The following STYXL1 variants were observed in gnomAD, a reference collection of about 807,000 sequenced individuals.
STYXL1 encodes the protein serine/threonine/tyrosine interacting like 1, also known as serine/threonine/tyrosine-interacting-like protein 1.
In STYXL1, 32 loss-of-function variants were observed where a neutral mutation model predicts 36.4. That is an observed-to-expected ratio of 0.88 (90% CI 0.66 to 1.18). The LOEUF (loss-of-function observed/expected upper bound fraction) is 1.18, where lower values mean the gene tolerates loss of function less well. Among genes scored for constraint, STYXL1 ranks in the 50% most tolerant of loss-of-function variants. The pLI is 0.00. For synonymous variants in STYXL1, 133 were observed against 144.1 expected, an observed-to-expected ratio of 0.92 and a Z score of 0.55; for missense variants, 354 against 394.1, an observed-to-expected ratio of 0.90 and a Z score of 0.86.
intron 5 of STYXL1, among the ~76,000 whole-genome samples, chr7:76,009,326 C>T (rs1244587269): frequency 6.6e-6 from 1 of 151,564 alleles, no homozygotes; most frequent in African/African-American, 2.4e-5. Context: ...CCCCCGTCAC[C>T]CACGCCTAAA....
In STYXL1 at chr7:76,013,844, G is replaced by C; in HGVS notation, c.351C>G (p.Thr117=). ...TGTAGACGGGGTGGTGGGTGAGGCG[G>C]GTCAGGATCCTGCCATACTCAATGG... The part of the protein sequence containing the change: ...QAAIEYGRIL[T]RLTHHPVYIL... The change falls in exon 5 of 9, where the codon ACC becomes ACG. Residue 117 remains threonine (T), a synonymous_variant. Transcript: ENST00000359697. 1 of 1,613,908 alleles carries C rather than the reference G, an allele frequency of 6.2e-7. No individual in the cohort carries two copies. The highest frequency in any genetic ancestry group is 8.5e-7 in the Non-Finnish European group (1 of 1,179,924).
At chr7:76,026,192 C>CAA (rs1159067824) in intron 3 of STYXL1, among the ~76,000 whole-genome samples, 294 of 18,624 alleles carry the variant, frequency 0.016, 122 homozygotes, top group Non-Finnish European at 0.022. Context: ...ACTCTGTCTC[C>CAA]AAAAAAAAAA....
chr7:76,008,651 C>T (rs11762941), intron 5 of STYXL1, among the ~76,000 whole-genome samples: 40,912 of 152,064 alleles, frequency 0.27, 6,891 homozygotes, highest in Non-Finnish European at 0.38. Flanking sequence ...TGCCCCTAAC[C>T]CGGATGGACG....
chr7:76,036,780 CTCT>C (rs1294699443), intron 1 of STYXL1, among the ~76,000 whole-genome samples: 9 of 106,642 alleles, frequency 8.4e-5, no homozygotes, highest in East Asian at 2.4e-4. Context: ...CACAGTATAG[CTCT>C]TTTTTTTTTT....
Position 76,044,121 on chromosome 7 carries a change from C to T in STYXL1, c.-5+3541G>A, listed in dbSNP as rs115650515. The T allele has an allele frequency of 9.8e-3, 1,490 of 152,238 alleles. 29 individuals are homozygous for T. The highest frequency in any genetic ancestry group is 0.032 in the African/African-American group (1,332 of 41,532). The allele number at this position is 152,238 out of a possible 1,614,324, so 9.4% of individuals were successfully genotyped here. ...ACTGTTGTTAATTACCTTGGTATTT[C>T]CTTAGAGAGAGGCAGATAGGAGCTG... is the stretch of plus-strand genomic sequence containing the variant. On this transcript the variant is annotated intron_variant, in intron 1 of 8. Transcript: ENST00000359697.
Position 76,046,669 on chromosome 7 carries a change from CAG to C in STYXL1, c.-5+991_-5+992del, listed in dbSNP as rs1797142051. Among the ~76,000 whole-genome samples, 12 of 103,456 alleles carry C rather than the reference CAG, an allele frequency of 1.2e-4. No homozygotes were observed. In the East Asian group the frequency reaches 1.2e-3, roughly 10 times the overall value. 67.9% of individuals were successfully genotyped at this position (103,456 alleles called of 152,430 possible). On this transcript the variant is annotated intron_variant, in intron 1 of 8. Coordinates refer to ENST00000359697, the MANE Select transcript of STYXL1 (RefSeq NM_001317785.2). ...GCTTTTTTTTTTTTTTTTTTTGAGA[CAG>C]AGTCTTTCTCCGTCGCCCAAGCTGG...
At chr7:76,007,202 G>A (rs919746799) in intron 5 of STYXL1, among the ~76,000 whole-genome samples, 12 of 152,142 alleles carry the variant, frequency 7.9e-5, no homozygotes, top group African/African-American at 2.2e-4. Context: ...CGAGGCAGGC[G>A]CATCACCTGA....
Position 76,047,853 on chromosome 7 carries a change from C to T in STYXL1, c.-196G>A. The T allele has an allele frequency of 7.8e-7, 1 of 1,285,392 alleles. No individual in the cohort carries two copies. The highest frequency in any genetic ancestry group is 1.0e-6 in the Non-Finnish European group (1 of 992,264). 79.6% of individuals were successfully genotyped at this position (1,285,392 alleles called of 1,614,324 possible). A position where few individuals can be genotyped will look rare whatever the true frequency, so the allele number is the denominator to read the frequency against. On this transcript the variant is annotated 5_prime_UTR_variant, in exon 1 of 9. Transcript: ENST00000359697. ...TCTAAGGCGCTTCCAGCCTAAAGCCCGTCCTCTTCCACCTCTTGGGTGCAG... is the reference window on the plus strand; with the variant it reads ...TCTAAGGCGCTTCCAGCCTAAAGCCTGTCCTCTTCCACCTCTTGGGTGCAG...
chr7:76,002,924 G>A (rs750402928), intron 7 of STYXL1, among the ~76,000 whole-genome samples: 4 of 151,982 alleles, frequency 2.6e-5, no homozygotes, highest in Non-Finnish European at 2.9e-5. Flanking sequence ...ACCCCGTCTC[G>A]AAAAATAAAA....
At chr7:76,015,869 G>A (rs1793237468) in intron 4 of STYXL1, among the ~76,000 whole-genome samples, 1 of 152,148 alleles carries the variant, frequency 6.6e-6, no homozygotes, top group Non-Finnish European at 1.5e-5. Flanking sequence ...ACAACATAAA[G>A]CAACCAGAAA....
intron 4 of STYXL1, among the ~76,000 whole-genome samples, chr7:76,018,162 C>G (rs1358452681): frequency 6.6e-6 from 1 of 151,882 alleles, no homozygotes; most frequent in African/African-American, 2.4e-5. Context: ...CGACAGTGCC[C>G]GGCCTAATTT....
chr7:76,039,291 G>A (rs1796252201), intron 1 of STYXL1, among the ~76,000 whole-genome samples: 3 of 142,286 alleles, frequency 2.1e-5, no homozygotes, highest in Admixed American at 1.3e-4. Flanking sequence ...TTCCAGGCTG[G>A]TTTCGAACTC....
intron 3 of STYXL1, 83 bp from the exon 4 acceptor site, chr7:76,022,075 C>A: frequency 1.3e-6 from 2 of 1,548,148 alleles, no homozygotes; most frequent in South Asian, 1.2e-5. Context: ...CATAGCAGCA[C>A]TGGGAGGAGC....
At chr7:76,004,817 C>T (rs1053241113) in intron 6 of STYXL1, among the ~76,000 whole-genome samples, 8 of 151,848 alleles carry the variant, frequency 5.3e-5, no homozygotes, top group East Asian at 3.9e-4. Flanking sequence ...CTGGCTAACA[C>T]GGTGAAACCC....
In STYXL1 at chr7:76,028,653, G is replaced by A. The variant is rs200576891; in HGVS notation, c.154C>T (p.Arg52Ter). 9.9e-6 allele frequency: 16 copies of A among 1,614,044 alleles called. No individual in the cohort carries two copies. Among genetic ancestry groups the A allele is most frequent in the Admixed American group, 5.0e-5 (3 of 60,006 alleles). The change falls in exon 3 of 9, where the codon CGA (arginine) becomes TGA (stop). Residue 52 changes from arginine to a stop codon, truncating the protein, a stop_gained. Transcript: ENST00000359697. LOFTEE classifies it high-confidence loss of function. ...YDESHVITAL[R>*]VKKKNNEYLL... The stretch of plus-strand genomic sequence containing the variant: ...CGCTGCCCATGTACCTTCTTCACTC[G>A]AAGGGCAGTGATCACATGGCTTTCG...
intron 5 of STYXL1, among the ~76,000 whole-genome samples, chr7:76,012,919 C>T (rs908328386): frequency 6.6e-6 from 1 of 152,178 alleles, no homozygotes; most frequent in Admixed American, 6.6e-5. Flanking sequence ...GAGGTGGTCT[C>T]GAGCCGCCAT....
chr7:76,045,789 T>C (rs1277722528), intron 1 of STYXL1: 1 of 152,178 alleles, frequency 6.6e-6, no homozygotes, highest in Non-Finnish European at 1.5e-5. Context: ...CAATCTAGTT[T>C]TTCCCAACCT....
chr7:76,030,463 T>C lies in STYXL1; in HGVS notation c.61A>G (p.Lys21Glu). The C allele has an allele frequency of 1.2e-6, 2 of 1,614,060 alleles. No individual in the cohort carries two copies. Among genetic ancestry groups the C allele is most frequent in the Non-Finnish European group, 1.7e-6 (2 of 1,179,918 alleles). The change falls in exon 2 of 9, where the codon AAA becomes GAA. Residue 21 changes from lysine to glutamate, a missense_variant. Transcript: ENST00000359697. ...ELYNILNQAT[K>E]LSRLTDPNYL... is the part of the protein sequence containing the mutation. ...TTGGGGTCTGTTAATCTGGAGAGTTTTGTGGCCTGATTCAGGATGTTGTAA... is the reference window on the plus strand; with the variant it reads ...TTGGGGTCTGTTAATCTGGAGAGTTCTGTGGCCTGATTCAGGATGTTGTAA...
intron 4 of STYXL1, among the ~76,000 whole-genome samples, chr7:76,019,927 C>CAAA (rs58018497): frequency 7.3e-5 from 6 of 82,334 alleles, no homozygotes; most frequent in South Asian, 3.9e-4. Context: ...GACCCTGACT[C>CAAA]AAAAAAAAAA....
Sources: allele counts gnomAD v4.1 joint callset (sites outside exome capture counted in the v4.1 genomes callset), GRCh38; gene constraint gnomAD v4.1.1; transcripts MANE v1.5; gene names NCBI Gene and HGNC (gene_info 2026-07-23, HGNC 2026-07-21).